Variants in PRKG1 observed in about 807,000 individuals in gnomAD.
PRKG1 encodes the protein protein kinase cGMP-dependent 1.
A neutral mutation model predicts 88.1 loss-of-function variants in PRKG1; 35 were observed. That is an observed-to-expected ratio of 0.40 (90% CI 0.30 to 0.53). PRKG1 has a LOEUF of 0.53. Among genes scored for constraint, PRKG1 ranks in the 20% least tolerant of loss-of-function variants. PRKG1 has a pLI of 0.59. For synonymous variants in PRKG1, 303 were observed against 292.5 expected (o/e 1.04, Z -0.37); for missense variants, 540 against 839.8 (o/e 0.64, Z 4.41).
At chr10:51,678,899 C>A (rs1227799915) in intron 3 of PRKG1, among the ~76,000 whole-genome samples, 1 of 152,196 alleles carries the variant, frequency 6.6e-6, no homozygotes, top group Non-Finnish European at 1.5e-5. Context: ...GGATATAATA[C>A]ACTGATGTCT....
At chr10:52,162,821 A>G (rs529680874) in intron 9 of PRKG1, among the ~76,000 whole-genome samples, 25 of 152,334 alleles carry the variant, frequency 1.6e-4, no homozygotes, top group Non-Finnish European at 3.1e-4. Flanking sequence ...TTTCAAAGCT[A>G]TATGAAAATA....
intron 2 of PRKG1, among the ~76,000 whole-genome samples, chr10:51,189,659 C>A (rs1280730349): frequency 6.6e-6 from 1 of 151,848 alleles, no homozygotes; most frequent in African/African-American, 2.4e-5. Context: ...CACATGGCCC[C>A]ATTTGAGGAC....
intron 4 of PRKG1, among the ~76,000 whole-genome samples, chr10:51,873,106 T>G (rs1395843700): frequency 6.6e-6 from 1 of 152,182 alleles, no homozygotes. Context: ...TTCTTCAGTA[T>G]TAAGGATTTT....
At chr10:51,181,161 C>A (rs1163344168) in intron 2 of PRKG1, among the ~76,000 whole-genome samples, 4 of 150,074 alleles carry the variant, frequency 2.7e-5, no homozygotes, top group African/African-American at 9.8e-5. Flanking sequence ...AAAACGAAAT[C>A]TTCTGGTTCC....
chr10:51,305,230 G>A lies in PRKG1; in HGVS notation c.478+151900G>A, dbSNP rs531617512. Among the ~76,000 whole-genome samples the A allele has an allele frequency of 3.9e-5, 6 of 152,254 alleles. No homozygotes were observed. The East Asian group carries it at 1.2e-3, about 29-fold the overall frequency. The stretch of plus-strand genomic sequence containing the variant: ...TAGTTCTTCCAAAAGTAGAGTTTCA[G>A]AGCACAATGGCACTCTTCTCCCACC... On this transcript the variant is annotated intron_variant, in intron 2 of 17. Transcript: ENST00000373980.
At chr10:52,037,269 G>A (rs535383654) in intron 5 of PRKG1, among the ~76,000 whole-genome samples, 5 of 152,326 alleles carry the variant, frequency 3.3e-5, no homozygotes, top group African/African-American at 9.6e-5. Flanking sequence ...CCTGGCCGCT[G>A]CGGTTCAGGC....
intron 2 of PRKG1, among the ~76,000 whole-genome samples, chr10:51,379,131 G>A (rs890461343): frequency 6.6e-6 from 1 of 151,906 alleles, no homozygotes; most frequent in Admixed American, 6.6e-5. Flanking sequence ...TATTAAATGG[G>A]GACATTATTA....
intron 5 of PRKG1, among the ~76,000 whole-genome samples, chr10:52,014,152 T>C (rs10762524): frequency 6.6e-6 from 1 of 151,920 alleles, no homozygotes; most frequent in Non-Finnish European, 1.5e-5. Context: ...CAAAGATTAT[T>C]GTGTTAGTCT....
intron 9 of PRKG1, among the ~76,000 whole-genome samples, chr10:52,168,793 G>C (rs1838570952): frequency 6.6e-6 from 1 of 152,030 alleles, no homozygotes; most frequent in Admixed American, 6.6e-5. Context: ...AGGAGGAAAA[G>C]GTCAGGGAAA....
chr10:51,591,643 A>G (rs1447446747), intron 3 of PRKG1, among the ~76,000 whole-genome samples: 2 of 152,204 alleles, frequency 1.3e-5, no homozygotes, highest in Non-Finnish European at 2.9e-5. Context: ...ACTGGAATGA[A>G]GGCTGTGGGG....
Position 52,243,187 on chromosome 10 carries a change from G to A in PRKG1, c.1077-8383G>A, listed in dbSNP as rs148120485. ...GGAACCACGTTGTAGGCAAGAACAC[G>A]TAAGTGCTTAGCTGTAGGGAGGCCA... On this transcript the variant is annotated intron_variant, in intron 9 of 17. Transcript: ENST00000373980. 6.4e-3 allele frequency among the ~76,000 whole-genome samples: 973 copies of A among 152,226 alleles called. 7 individuals are homozygous for A. Among genetic ancestry groups the A allele is most frequent in the Non-Finnish European group, 0.01 (685 of 68,024 alleles).
chr10:52,186,044 A>G (rs1270007105), intron 9 of PRKG1, among the ~76,000 whole-genome samples: 1 of 152,188 alleles, frequency 6.6e-6, no homozygotes, highest in Admixed American at 6.5e-5. Flanking sequence ...CCTTATAGCA[A>G]TGCCCCACTC....
chr10:51,931,586 T>G (rs1842697028), intron 5 of PRKG1, among the ~76,000 whole-genome samples: 1 of 152,196 alleles, frequency 6.6e-6, no homozygotes, highest in East Asian at 1.9e-4. Flanking sequence ...TTCCCTTGTC[T>G]TTAGCTTCTG....
chr10:52,177,415 T>C (rs1589676007), intron 9 of PRKG1, among the ~76,000 whole-genome samples: 1 of 152,134 alleles, frequency 6.6e-6, no homozygotes, highest in Non-Finnish European at 1.5e-5. Context: ...ACACTTTTAT[T>C]GAAGATGTTT....
At chr10:52,043,688 C>T (rs762978408) in intron 5 of PRKG1, among the ~76,000 whole-genome samples, 15 of 151,778 alleles carry the variant, frequency 9.9e-5, no homozygotes, top group Non-Finnish European at 1.9e-4. Context: ...AGAGGATTTG[C>T]ATGTTGTCAC....
chr10:51,564,862 A>T (rs1254086417), intron 3 of PRKG1, among the ~76,000 whole-genome samples: 1 of 152,026 alleles, frequency 6.6e-6, no homozygotes, highest in Admixed American at 6.6e-5. Flanking sequence ...TTTTTCCAGG[A>T]GTGTAATTGG....
At chr10:52,073,482 A>G (rs1267713597) in intron 7 of PRKG1, among the ~76,000 whole-genome samples, 3 of 152,106 alleles carry the variant, frequency 2.0e-5, no homozygotes, top group Non-Finnish European at 4.4e-5. Context: ...CTGCTTCATT[A>G]TCTATGCTGT....
At chr10:51,166,609 T>C (rs1183904608) in intron 2 of PRKG1, among the ~76,000 whole-genome samples, 1 of 152,178 alleles carries the variant, frequency 6.6e-6, no homozygotes, top group Non-Finnish European at 1.5e-5. Context: ...GTCTTGAAAT[T>C]TCTCTTCATT....
chr10:51,216,004 A>G (rs1452167095), intron 2 of PRKG1, among the ~76,000 whole-genome samples: 1 of 152,216 alleles, frequency 6.6e-6, no homozygotes, highest in Non-Finnish European at 1.5e-5. Flanking sequence ...TAGCTTTCCA[A>G]ATGGAGCAAA....
Sources: allele counts gnomAD v4.1 joint callset (sites outside exome capture counted in the v4.1 genomes callset), GRCh38; gene constraint gnomAD v4.1.1; transcripts MANE v1.5; gene names NCBI Gene and HGNC (gene_info 2026-07-23, HGNC 2026-07-21).